Variants in PPP6R3 observed in about 807,000 individuals in gnomAD.
The protein encoded by PPP6R3 is protein phosphatase 6 regulatory subunit 3.
Under a neutral mutation model 110.7 loss-of-function variants are expected in PPP6R3, and 38 were observed. The ratio of observed to expected loss-of-function variants is 0.34; its 90% confidence interval spans 0.26 to 0.45. PPP6R3 has a LOEUF of 0.45. Ranked by LOEUF, PPP6R3 falls within the 20% of genes least tolerant of loss-of-function variation. The pLI, the probability that PPP6R3 is intolerant of heterozygous loss-of-function variation, is 1.00. For missense variants in PPP6R3, 870 were observed against 1,062.4 expected (o/e 0.82, Z 2.52); for synonymous variants, 369 against 373.5 (o/e 0.99, Z 0.14).
chr11:68,569,003 G>A (rs1308989069), intron 10 of PPP6R3, among the ~76,000 whole-genome samples: 31 of 151,976 alleles, frequency 2.0e-4, no homozygotes, highest in Admixed American at 1.9e-3. Context: ...CTCGTGATCC[G>A]CCCGCCTCGG....
intron 18 of PPP6R3, among the ~76,000 whole-genome samples, chr11:68,595,200 ATTTTTTTTTTTTTTTTT>A (rs71043443): frequency 1.6e-4 from 13 of 81,178 alleles, no homozygotes; most frequent in African/African-American, 3.9e-4. Context: ...CATAAAAATA[ATTTTTTTTTTTTTTTTT>A]TTTTTTTTTT....
chr11:68,558,711 C>A (rs753169607), intron 8 of PPP6R3, 32 bp downstream of exon 8: 3 of 1,504,938 alleles, frequency 2.0e-6, no homozygotes, highest in Admixed American at 3.5e-5. Context: ...CAAAATGAAC[C>A]ATGTTGTTTT....
At chr11:68,588,232 C>T (rs2099584747) in intron 16 of PPP6R3, among the ~76,000 whole-genome samples, 1 of 152,128 alleles carries the variant, frequency 6.6e-6, no homozygotes, top group South Asian at 2.1e-4. Context: ...GGTGCGGTGG[C>T]TCATGCCTGT....
chr11:68,558,447 A>G, intron 7 of PPP6R3, 119 bp from the exon 8 acceptor site: 1 of 616,284 alleles, frequency 1.6e-6, no homozygotes, highest in Non-Finnish European at 2.8e-6. Context: ...AAAATAGTAA[A>G]ACAAATATGC....
intron 2 of PPP6R3, among the ~76,000 whole-genome samples, chr11:68,525,052 T>G (rs1474055257): frequency 6.6e-6 from 1 of 152,248 alleles, no homozygotes; most frequent in Admixed American, 6.5e-5. Flanking sequence ...GATGACTGCT[T>G]CTTTGACTAG....
At chr11:68,577,163 A>G (rs186817738) in intron 14 of PPP6R3, among the ~76,000 whole-genome samples, 107 of 152,388 alleles carry the variant, frequency 7.0e-4, no homozygotes, top group Non-Finnish European at 5.7e-4. Context: ...TGTGTACCAC[A>G]GCCCAGCAGA....
chr11:68,591,985 G>A lies in PPP6R3; in HGVS notation c.1916+279G>A, dbSNP rs145359250. The stretch of plus-strand genomic sequence containing the variant: ...TTGCAGACAAGCGTAGTCACATAGT[G>A]CCTTTTACTAAATAAATGTTCCGTC... On this transcript the variant is annotated intron_variant, in intron 18 of 23. Transcript: ENST00000393800. Among the ~76,000 whole-genome samples the A allele has an allele frequency of 2.1e-3, 315 of 152,310 alleles. 3 individuals are homozygous for A. In the Middle Eastern group the frequency reaches 0.051, roughly 25 times the overall value.
intron 1 of PPP6R3, among the ~76,000 whole-genome samples, chr11:68,519,054 G>A (rs1279623498): frequency 1.3e-5 from 2 of 152,214 alleles, no homozygotes; most frequent in Non-Finnish European, 2.9e-5. Flanking sequence ...TGATCTTAAT[G>A]TTCTACTCAC....
At position 68,583,051 on chromosome 11, in the gene PPP6R3, C is replaced by T. The variant is rs546419838; in HGVS notation, c.1554C>T (p.Thr518=). The T allele has an allele frequency of 6.5e-7, 1 of 1,536,090 alleles. No individual in the cohort carries two copies. Among genetic ancestry groups the T allele is most frequent in the Non-Finnish European group, 8.8e-7 (1 of 1,137,170 alleles). ...NKRNTVDLVT[T]CHIHSSSDDE... is the part of the protein sequence containing the mutation. Reference sequence around the variant, plus strand: ...CATTTTTATGCATATAGGTTACAACCTGCCATATTCATTCATCCAGTGATG... The same window carrying T: ...CATTTTTATGCATATAGGTTACAACTTGCCATATTCATTCATCCAGTGATG... Residue 518 remains threonine, a synonymous_variant, in exon 15 of 24, where the codon ACC becomes ACT. Transcript: ENST00000393800.
intron 16 of PPP6R3, 31 bp downstream of exon 16, chr11:68,588,055 T>A: frequency 6.4e-7 from 1 of 1,550,728 alleles, no homozygotes; most frequent in Non-Finnish European, 8.9e-7. Context: ...CCGCTGTTGC[T>A]CTTGCACACC....
At chr11:68,559,597 C>T (rs543119642) in intron 8 of PPP6R3, among the ~76,000 whole-genome samples, 2 of 152,314 alleles carry the variant, frequency 1.3e-5, no homozygotes, top group South Asian at 4.1e-4. Context: ...CCCCTGCTTC[C>T]CCAATTCCTG....
At chr11:68,520,164 G>T (rs771994108) in intron 2 of PPP6R3, among the ~76,000 whole-genome samples, 3 of 152,220 alleles carry the variant, frequency 2.0e-5, no homozygotes, top group African/African-American at 4.8e-5. Context: ...CTAGGAAGTG[G>T]TAGAAGTGGC....
intron 1 of PPP6R3, among the ~76,000 whole-genome samples, chr11:68,486,092 T>G (rs921382867): frequency 5.9e-5 from 9 of 152,000 alleles, no homozygotes; most frequent in Non-Finnish European, 8.8e-5. Context: ...TAAAGCAGCC[T>G]TAAATACGGG....
Position 68,591,465 on chromosome 11 carries a change from G to T in PPP6R3, c.1786-111G>T, listed in dbSNP as rs185381601. The T allele has an allele frequency of 1.1e-4, 110 of 980,236 alleles. No homozygotes were observed. In the African/African-American group the frequency reaches 1.8e-3, roughly 16 times the overall value. 60.7% of individuals were successfully genotyped at this position (980,236 alleles called of 1,614,324 possible). A position where few individuals can be genotyped will look rare whatever the true frequency, so the allele number is the denominator to read the frequency against. ...TATTTTATTTTGGTGTATGTGATAG[G>T]CACCATATTGTAAAGCAGTGAAAAA... On this transcript the variant is annotated intron_variant, in intron 17 of 23. Coordinates refer to ENST00000393800, the MANE Select transcript of PPP6R3 (RefSeq NM_001164161.2).
Position 68,573,155 on chromosome 11 carries a change from A to AAT in PPP6R3, c.1344-954_1344-953insAT, listed in dbSNP as rs2099516959. 5.3e-3 allele frequency among the ~76,000 whole-genome samples: 156 copies of AAT among 29,534 alleles called. 1 individual carries two copies. The highest frequency in any genetic ancestry group is 8.9e-3 in the Non-Finnish European group (139 of 15,548). 19.4% of individuals were successfully genotyped at this position (29,534 alleles called of 152,430 possible). ...ATATATATATATATATATATATATA[A>AAT]TTTTTTTTTTTTTGAGACGGAGTCT... On this transcript the variant is annotated intron_variant, in intron 12 of 23. Coordinates refer to ENST00000393800, the MANE Select transcript of PPP6R3 (RefSeq NM_001164161.2).
At chr11:68,524,107 T>G (rs949594355) in intron 2 of PPP6R3, among the ~76,000 whole-genome samples, 2 of 152,330 alleles carry the variant, frequency 1.3e-5, no homozygotes, top group African/African-American at 4.8e-5. Flanking sequence ...CAGGAACTCC[T>G]TCTGTTCCTA....
chr11:68,541,930 G>A (rs1235044658), intron 3 of PPP6R3, among the ~76,000 whole-genome samples: 7 of 152,122 alleles, frequency 4.6e-5, no homozygotes, highest in African/African-American at 1.7e-4. Flanking sequence ...AGGGGCCCAG[G>A]TGAAAGCCTG....
chr11:68,589,918 C>CA (rs1007193847), intron 16 of PPP6R3, among the ~76,000 whole-genome samples: 2 of 152,238 alleles, frequency 1.3e-5, no homozygotes, highest in Non-Finnish European at 2.9e-5. Flanking sequence ...AGCAAGAACA[C>CA]AAGATATTCT....
intron 1 of PPP6R3, among the ~76,000 whole-genome samples, chr11:68,461,650 G>A (rs1591391187): frequency 6.6e-6 from 1 of 152,098 alleles, no homozygotes; most frequent in African/African-American, 2.4e-5. Flanking sequence ...GTCTTTGGAT[G>A]TACCTCCGTG....
Sources: gnomAD v4.1 joint callset for allele counts (sites outside exome capture counted in the v4.1 genomes callset) on GRCh38, gnomAD v4.1.1 for gene constraint, MANE v1.5 for transcripts, NCBI Gene and HGNC (gene_info 2026-07-23, HGNC 2026-07-21) for gene names.